PCDH11X: variants seen among roughly 807,000 people sequenced by gnomAD.
PCDH11X encodes protocadherin 11 X-linked.
Under a neutral mutation model 53.3 loss-of-function variants are expected in PCDH11X, and 18 were observed. That is an observed-to-expected ratio of 0.34 (90% CI 0.23 to 0.50). The LOEUF is 0.50. Ranked by LOEUF, PCDH11X falls within the 20% of genes least tolerant of loss-of-function variation. The pLI is 0.98. For synonymous variants in PCDH11X, 279 were observed against 393.3 expected, an observed-to-expected ratio of 0.71 and a Z score of 3.44; for missense variants, 570 against 1,032.4, an observed-to-expected ratio of 0.55 and a Z score of 6.14.
chrX:92,201,496 T>A, intron 7 of PCDH11X, 41 bp downstream of exon 7: 1 of 871,451 alleles, frequency 1.1e-6, no homozygotes, highest in Non-Finnish European at 1.6e-6. Flanking sequence ...CCCTTCCTTT[T>A]AAATGATTTT....
intron 6 of PCDH11X, among the ~76,000 whole-genome samples, chrX:91,918,909 G>C (rs1941657604): frequency 9.0e-6 from 1 of 111,289 alleles, no homozygotes; most frequent in Non-Finnish European, 1.9e-5. Flanking sequence ...ATTTAGGATG[G>C]TGTAGACTTA....
intron 6 of PCDH11X, among the ~76,000 whole-genome samples, chrX:92,132,652 T>C (rs1181725545): frequency 3.9e-4 from 23 of 58,304 alleles, no homozygotes; most frequent in African/African-American, 1.8e-3. Flanking sequence ...TATATATATA[T>C]ATATGTATAT....
chrX:92,103,764 C>T lies in PCDH11X; in HGVS notation c.3034-97611C>T, dbSNP rs765991816. On this transcript the variant is annotated intron_variant, in intron 6 of 10. Transcript: ENST00000682573. Reference sequence around the variant, plus strand: ...GCTACAGTTCAGGCGTTTGGAAGTTCTTGTGTGCTGGAGATGTGGCTGGGG... The same window carrying T: ...GCTACAGTTCAGGCGTTTGGAAGTTTTTGTGTGCTGGAGATGTGGCTGGGG... Among the ~76,000 whole-genome samples the T allele has an allele frequency of 5.4e-5, 6 of 112,078 alleles. No individual in the cohort carries two copies. In the South Asian group the frequency reaches 1.9e-3, roughly 35 times the overall value.
At chrX:92,491,728 C>T (rs1233287381) in intron 10 of PCDH11X, among the ~76,000 whole-genome samples, 1 of 111,094 alleles carries the variant, frequency 9.0e-6, no homozygotes, top group African/African-American at 3.3e-5. Flanking sequence ...CAATTTCTCC[C>T]CATTTTCTCC....
chrX:92,442,649 G>A (rs955534214), intron 9 of PCDH11X, among the ~76,000 whole-genome samples: 2 of 105,553 alleles, frequency 1.9e-5, no homozygotes, highest in African/African-American at 6.9e-5. Context: ...GTGTGAAAAT[G>A]GACTAATACA....
chrX:92,363,363 C>T (rs941168509), intron 8 of PCDH11X, among the ~76,000 whole-genome samples: 4 of 110,776 alleles, frequency 3.6e-5, no homozygotes, highest in African/African-American at 1.3e-4. Flanking sequence ...TATACCTTTC[C>T]CCTCTTTGGT....
At position 92,148,173 on chromosome X, in the gene PCDH11X, C is replaced by CT. The variant is rs1569389506; in HGVS notation, c.3034-53200dup. Among the ~76,000 whole-genome samples the CT allele has an allele frequency of 4.5e-3, 38 of 8,385 alleles. 6 individuals carry two copies. The highest frequency in any genetic ancestry group is 0.01 in the African/African-American group (23 of 2,277). 7.3% of individuals were successfully genotyped at this position (8,385 alleles called of 115,157 possible). A position where few individuals can be genotyped will look rare whatever the true frequency, so the allele number is the denominator to read the frequency against. On this transcript the variant is annotated intron_variant, in intron 6 of 10. Transcript: ENST00000682573. Reference sequence around the variant, plus strand: ...CCTTCCTTCCTTCCTTCCTTCCTTCCTTCTTTCTTTCTTTCTTTCTTTCTT... The same window carrying CT: ...CCTTCCTTCCTTCCTTCCTTCCTTCCTTTCTTTCTTTCTTTCTTTCTTTCTT...
intron 6 of PCDH11X, among the ~76,000 whole-genome samples, chrX:92,175,782 A>AGGAATAAT (rs2065898588): frequency 1.9e-5 from 1 of 51,874 alleles, no homozygotes; most frequent in Non-Finnish European, 3.6e-5. Flanking sequence ...GTGTGTATAT[A>AGGAATAAT]TATACACACA....
chrX:91,906,936 TTTACTC>T (rs1453936120), intron 6 of PCDH11X, among the ~76,000 whole-genome samples: 2 of 110,616 alleles, frequency 1.8e-5, no homozygotes, highest in African/African-American at 6.6e-5. Context: ...TTATTACTCT[TTTACTC>T]TTTTTTTCAA....
At chrX:92,251,189 A>G (rs888133505) in intron 7 of PCDH11X, among the ~76,000 whole-genome samples, 4 of 110,979 alleles carry the variant, frequency 3.6e-5, no homozygotes, top group African/African-American at 1.3e-4. Context: ...AAAGGGTAAC[A>G]CAGGTAAAGC....
At chrX:92,051,616 A>G (rs185588036) in intron 6 of PCDH11X, among the ~76,000 whole-genome samples, 1,630 of 111,624 alleles carry the variant, frequency 0.015, 20 homozygotes, top group African/African-American at 0.049. Context: ...ATCTTTGTAC[A>G]TGGGAAGATT....
At chrX:92,019,146 C>A (rs1246045982) in intron 6 of PCDH11X, among the ~76,000 whole-genome samples, 1 of 109,573 alleles carries the variant, frequency 9.1e-6, no homozygotes, top group African/African-American at 3.3e-5. Flanking sequence ...GGAAACACTG[C>A]ATAGGGCTAC....
chrX:92,151,550 G>T (rs1476810905), intron 6 of PCDH11X, among the ~76,000 whole-genome samples: 1 of 111,360 alleles, frequency 9.0e-6, no homozygotes, highest in Non-Finnish European at 1.9e-5. Context: ...TACATTTATT[G>T]AAATGTTTTT....
intron 6 of PCDH11X, among the ~76,000 whole-genome samples, chrX:92,046,568 C>A (rs1033310526): frequency 9.0e-6 from 1 of 111,082 alleles, no homozygotes; most frequent in Non-Finnish European, 1.9e-5. Flanking sequence ...GTTGTAAATT[C>A]TTTTTGTTTT....
chrX:92,467,291 T>G (rs749046308), intron 9 of PCDH11X, among the ~76,000 whole-genome samples: 4 of 111,404 alleles, frequency 3.6e-5, no homozygotes, highest in African/African-American at 1.3e-4. Context: ...ATAGAAACAT[T>G]ACTTTCACCT....
chrX:92,284,904 A>T (rs1000360003), intron 8 of PCDH11X, among the ~76,000 whole-genome samples: 1 of 111,480 alleles, frequency 9.0e-6, no homozygotes, highest in African/African-American at 3.3e-5. Context: ...GAAGGACTTG[A>T]TAAGATACGC....
chrX:91,990,075 C>T (rs1352738738), intron 6 of PCDH11X, among the ~76,000 whole-genome samples: 1 of 110,389 alleles, frequency 9.1e-6, no homozygotes, highest in Non-Finnish European at 1.9e-5. Flanking sequence ...CCAGAATGGT[C>T]CTCTCCATTC....
intron 9 of PCDH11X, among the ~76,000 whole-genome samples, chrX:92,439,418 A>G (rs2072462337): frequency 9.0e-6 from 1 of 111,316 alleles, no homozygotes; most frequent in Admixed American, 9.6e-5. Flanking sequence ...TCAGAGCCAT[A>G]GGATCTTCCT....
chrX:91,887,057 A>G (rs1174941994), intron 6 of PCDH11X, among the ~76,000 whole-genome samples: 3 of 108,085 alleles, frequency 2.8e-5, no homozygotes, highest in Non-Finnish European at 5.7e-5. Context: ...TATTCAATCA[A>G]TATTTACTAA....
Sources: allele counts gnomAD v4.1 joint callset (sites outside exome capture counted in the v4.1 genomes callset), GRCh38; gene constraint gnomAD v4.1.1; transcripts MANE v1.5; gene names NCBI Gene and HGNC (gene_info 2026-07-23, HGNC 2026-07-21).